The following DCDC1 variants were observed in gnomAD, a reference collection of about 807,000 sequenced individuals.
DCDC1 encodes the protein doublecortin domain-containing protein 1.
DCDC1 carries 200 observed loss-of-function variants against 178.3 expected under a neutral mutation model. The observed-to-expected ratio is 1.12, with a 90% confidence interval of 1.00 to 1.26. The LOEUF (loss-of-function observed/expected upper bound fraction) is 1.26. DCDC1 is among the 50% of genes most tolerant of loss of function. DCDC1 has a pLI of 0.00. For missense variants in DCDC1, 1,983 were observed against 1,749.2 expected, an observed-to-expected ratio of 1.13 and a Z score of -2.38; for synonymous variants, 690 against 604.8, an observed-to-expected ratio of 1.14 and a Z score of -2.07.
At chr11:30,936,804 C>T (rs760896831) in intron 21 of DCDC1, among the ~76,000 whole-genome samples, 10 of 152,202 alleles carry the variant, frequency 6.6e-5, no homozygotes, top group South Asian at 2.1e-4. Flanking sequence ...CCCAGATAAG[C>T]GACACAAAGG....
intron 9 of DCDC1, among the ~76,000 whole-genome samples, chr11:31,202,586 A>G (rs1400846786): frequency 6.6e-6 from 1 of 152,146 alleles, no homozygotes; most frequent in Non-Finnish European, 1.5e-5. Flanking sequence ...AACAAACAAT[A>G]AAGTTACACA....
At chr11:30,920,252 T>C (rs962274071) in intron 25 of DCDC1, among the ~76,000 whole-genome samples, 1 of 152,174 alleles carries the variant, frequency 6.6e-6, no homozygotes, top group Non-Finnish European at 1.5e-5. Context: ...TCCAGATGAA[T>C]AGGTTTTTCT....
intron 6 of DCDC1, among the ~76,000 whole-genome samples, chr11:31,299,249 CA>C (rs1454107959): frequency 6.6e-6 from 1 of 152,164 alleles, no homozygotes; most frequent in Non-Finnish European, 1.5e-5. Flanking sequence ...CTAATAATGA[CA>C]GTGGTTGTCA....
At chr11:30,950,143 C>T (rs1329485536) in intron 21 of DCDC1, among the ~76,000 whole-genome samples, 1 of 152,104 alleles carries the variant, frequency 6.6e-6, no homozygotes, top group Non-Finnish European at 1.5e-5. Context: ...TATCATCTCA[C>T]CCCAGTTAAA....
At chr11:31,142,606 A>C (rs1223891330) in intron 9 of DCDC1, among the ~76,000 whole-genome samples, 3 of 152,194 alleles carry the variant, frequency 2.0e-5, no homozygotes, top group Admixed American at 6.5e-5. Flanking sequence ...GAATGACTTT[A>C]TGTGCTCAAC....
chr11:31,368,604 G>A (rs1378826723), intron 1 of DCDC1, among the ~76,000 whole-genome samples: 7 of 152,136 alleles, frequency 4.6e-5, no homozygotes, highest in Admixed American at 2.6e-4. Flanking sequence ...TTTTAAACTT[G>A]CTTGTTTCAT....
intron 38 of DCDC1, among the ~76,000 whole-genome samples, chr11:30,875,716 T>G (rs1449656733): frequency 2.0e-5 from 3 of 152,156 alleles, no homozygotes; most frequent in Admixed American, 6.6e-5. Flanking sequence ...TCTGCTGTCA[T>G]TTGTTTGATT....
chr11:31,120,938 C>T (rs1000746584), intron 11 of DCDC1, among the ~76,000 whole-genome samples: 1 of 152,068 alleles, frequency 6.6e-6, no homozygotes, highest in Non-Finnish European at 1.5e-5. Flanking sequence ...GGAGGAGTTG[C>T]ATGGAAAGAA....
chr11:31,322,209 A>C (rs773732933), intron 3 of DCDC1, among the ~76,000 whole-genome samples: 13 of 152,236 alleles, frequency 8.5e-5, no homozygotes, highest in Non-Finnish European at 1.3e-4. Flanking sequence ...ATATGCAGGA[A>C]TTATTCTTTG....
intron 9 of DCDC1, among the ~76,000 whole-genome samples, chr11:31,236,050 T>A (rs1468881662): frequency 6.6e-6 from 1 of 152,038 alleles, no homozygotes; most frequent in East Asian, 1.9e-4. Context: ...TCTAAGAGAA[T>A]TAGAGAAAAA....
At position 30,900,459 on chromosome 11, in the gene DCDC1, T is replaced by G; in HGVS notation, c.4550A>C (p.Lys1517Thr). 6.4e-7 allele frequency: 1 copy of G among 1,551,986 alleles called. No individual in the cohort carries two copies. Among genetic ancestry groups the G allele is most frequent in the Non-Finnish European group, 8.7e-7 (1 of 1,147,168 alleles). ...RMKVKNRLFA[K>T]SVTSDSLDGI... ...ATCCAAACTATCGGATGTCACAGATTTTGCAAATAATCTGTTTTTCACTTT... is the reference window on the plus strand; with the variant it reads ...ATCCAAACTATCGGATGTCACAGATGTTGCAAATAATCTGTTTTTCACTTT... The change falls in exon 33 of 39, where the codon AAA becomes ACA. Residue 1517 changes from lysine (K) to threonine (T), a missense_variant. Lys to Thr is a moderately conservative substitution (Grantham distance 78). Transcript: ENST00000684477.
intron 20 of DCDC1, among the ~76,000 whole-genome samples, chr11:31,030,928 T>A (rs1034152936): frequency 3.3e-5 from 5 of 152,046 alleles, no homozygotes; most frequent in African/African-American, 1.2e-4. Flanking sequence ...ACCACACTTA[T>A]ACCCAGTTAT....
chr11:30,921,511 G>A (rs555037073), intron 24 of DCDC1, among the ~76,000 whole-genome samples: 6 of 152,244 alleles, frequency 3.9e-5, no homozygotes, highest in Admixed American at 1.3e-4. Flanking sequence ...TACTGCCATC[G>A]AACGTGGAAG....
chr11:31,332,103 C>A (rs1950022908), intron 2 of DCDC1, among the ~76,000 whole-genome samples: 1 of 152,100 alleles, frequency 6.6e-6, no homozygotes, highest in Non-Finnish European at 1.5e-5. Context: ...CTGGTTTAGT[C>A]TTGGGAGGGT....
intron 1 of DCDC1, among the ~76,000 whole-genome samples, chr11:31,365,243 T>C (rs1026405323): frequency 3.3e-5 from 5 of 152,194 alleles, no homozygotes; most frequent in Admixed American, 6.5e-5. Flanking sequence ...ATATATATCA[T>C]TGACTTTTAA....
At chr11:31,156,490 A>G (rs1965727412) in intron 9 of DCDC1, among the ~76,000 whole-genome samples, 1 of 152,154 alleles carries the variant, frequency 6.6e-6, no homozygotes, top group African/African-American at 2.4e-5. Flanking sequence ...TAGTAGCTGC[A>G]GTAAAAAGAA....
intron 7 of DCDC1, among the ~76,000 whole-genome samples, chr11:31,279,203 T>G (rs1016795738): frequency 6.6e-6 from 1 of 152,174 alleles, no homozygotes; most frequent in Non-Finnish European, 1.5e-5. Context: ...TTCATGTGTT[T>G]GAGTGTTGTG....
At chr11:31,061,397 C>A (rs980461141) in intron 20 of DCDC1, among the ~76,000 whole-genome samples, 2 of 151,960 alleles carry the variant, frequency 1.3e-5, no homozygotes, top group Non-Finnish European at 2.9e-5. Flanking sequence ...CTTATTTTAT[C>A]GAAGCAAGGA....
At chr11:30,893,090 T>C (rs916155226) in intron 35 of DCDC1, 93 bp from the exon 36 acceptor site, 3 of 1,405,118 alleles carry the variant, frequency 2.1e-6, no homozygotes, top group Admixed American at 4.7e-5. Context: ...ATCTTGTAAT[T>C]AATAAATTAT....
Sources: allele counts gnomAD v4.1 joint callset (sites outside exome capture counted in the v4.1 genomes callset), GRCh38; gene constraint gnomAD v4.1.1; transcripts MANE v1.5; gene names NCBI Gene and HGNC (gene_info 2026-07-23, HGNC 2026-07-21).